SOX6: variants seen among roughly 807,000 people sequenced by gnomAD.
The protein encoded by SOX6 is SRY-box transcription factor 6.
In SOX6, 11 loss-of-function variants were observed where a neutral mutation model predicts 97.8. The observed-to-expected ratio is 0.11, with a 90% confidence interval of 0.07 to 0.19. SOX6 has a LOEUF of 0.19. SOX6 is among the 10% of genes least tolerant of loss of function. The probability of loss-of-function intolerance (pLI) is 1.00; values close to 1 mark genes in which losing one functional copy is unlikely to be tolerated. For missense variants in SOX6, 810 were observed against 1,039.5 expected (o/e 0.78, Z 3.04); for synonymous variants, 360 against 371.4 (o/e 0.97, Z 0.35).
intron 6 of SOX6, among the ~76,000 whole-genome samples, chr11:16,116,388 T>C (rs959926952): frequency 3.9e-5 from 6 of 152,218 alleles, no homozygotes; most frequent in South Asian, 2.1e-4. Flanking sequence ...TTAAAAGTTA[T>C]AGAGTCAGGA....
At chr11:16,307,048 G>T (rs188335308) in intron 3 of SOX6, among the ~76,000 whole-genome samples, 1 of 152,264 alleles carries the variant, frequency 6.6e-6, no homozygotes, top group Admixed American at 6.5e-5. Context: ...TTATATGTTT[G>T]CGCAAGTGCA....
At chr11:16,696,028 T>TAAAC (rs756286448) in intron 3 of SOX6, among the ~76,000 whole-genome samples, 6 of 152,210 alleles carry the variant, frequency 3.9e-5, no homozygotes, top group Non-Finnish European at 5.9e-5. Context: ...AATAAATGAA[T>TAAAC]AAACAAACAA....
intron 12 of SOX6, among the ~76,000 whole-genome samples, chr11:16,040,668 G>A (rs1188618160): frequency 1.3e-5 from 2 of 151,988 alleles, no homozygotes; most frequent in Admixed American, 6.6e-5. Context: ...TTGAAACTCA[G>A]ATGTGTGTCT....
chr11:16,107,086 A>G (rs1345809432), intron 7 of SOX6, among the ~76,000 whole-genome samples: 1 of 152,026 alleles, frequency 6.6e-6, no homozygotes, highest in Admixed American at 6.6e-5. Flanking sequence ...TTAGTTGAAA[A>G]TAACAAGTGT....
chr11:16,411,261 T>G (rs1858812647), intron 1 of SOX6, among the ~76,000 whole-genome samples: 1 of 152,190 alleles, frequency 6.6e-6, no homozygotes, highest in Admixed American at 6.5e-5. Context: ...TTTCAAAGGT[T>G]AATTGGCTTT....
At chr11:16,709,891 C>T (rs1848164650) in intron 3 of SOX6, among the ~76,000 whole-genome samples, 1 of 152,216 alleles carries the variant, frequency 6.6e-6, no homozygotes, top group Non-Finnish European at 1.5e-5. Flanking sequence ...ATATCTCACA[C>T]TTCTCCTCTA....
At chr11:16,011,003 G>C in intron 13 of SOX6, among the ~76,000 whole-genome samples, 1 of 151,990 alleles carries the variant, frequency 6.6e-6, no homozygotes, top group East Asian at 1.9e-4. Flanking sequence ...AGAAACTTAA[G>C]CCCAGAGGTT....
At chr11:16,470,104 A>G (rs1186466477) in intron 1 of SOX6, among the ~76,000 whole-genome samples, 1 of 152,160 alleles carries the variant, frequency 6.6e-6, no homozygotes, top group African/African-American at 2.4e-5. Context: ...GTATATCTCT[A>G]ATTAACATGA....
intron 3 of SOX6, among the ~76,000 whole-genome samples, chr11:16,292,628 A>T: frequency 6.6e-6 from 1 of 152,154 alleles, no homozygotes; most frequent in East Asian, 1.9e-4. Flanking sequence ...GAAGAAAGAA[A>T]TAAAACTCAA....
chr11:16,109,692 T>G (rs1243677991), intron 7 of SOX6, among the ~76,000 whole-genome samples: 2 of 152,228 alleles, frequency 1.3e-5, no homozygotes, highest in Non-Finnish European at 2.9e-5. Context: ...ACATATAATT[T>G]TAATGAATTT....
chr11:16,084,663 G>A (rs1327195449), intron 9 of SOX6, among the ~76,000 whole-genome samples: 1 of 152,088 alleles, frequency 6.6e-6, no homozygotes, highest in Non-Finnish European at 1.5e-5. Context: ...CCACTTTCCT[G>A]GAACCTCTAA....
intron 2 of SOX6, among the ~76,000 whole-genome samples, chr11:16,732,904 C>A (rs1266245403): frequency 6.6e-6 from 1 of 152,100 alleles, no homozygotes; most frequent in Non-Finnish European, 1.5e-5. Flanking sequence ...AAAAAAACAA[C>A]CCCATCAAAA....
rs1207638493 is a variant in SOX6 at position 16,264,240 on chromosome 11, T to A, written c.446-29569A>T. ...ACCCATCATCTCTAGATAACCAGTCTCAATAGTTTATAGTTTACCCTTCCT... is the reference window on the plus strand; with the variant it reads ...ACCCATCATCTCTAGATAACCAGTCACAATAGTTTATAGTTTACCCTTCCT... On this transcript the variant is annotated intron_variant, in intron 3 of 15. Transcript: ENST00000683767. Among the ~76,000 whole-genome samples the A allele has an allele frequency of 2.0e-5, 3 of 152,118 alleles. No individual in the cohort carries two copies. The East Asian group carries it at 5.8e-4, about 29-fold the overall frequency.
chr11:16,247,546 A>C (rs1466345375), intron 3 of SOX6, among the ~76,000 whole-genome samples: 4 of 152,182 alleles, frequency 2.6e-5, no homozygotes, highest in Non-Finnish European at 4.4e-5. Context: ...CAGAAGGGAA[A>C]GCAAACATGT....
At chr11:16,692,493 G>C (rs779467291) in intron 3 of SOX6, among the ~76,000 whole-genome samples, 2 of 152,022 alleles carry the variant, frequency 1.3e-5, no homozygotes, top group Non-Finnish European at 2.9e-5. Context: ...GCTCTCATTT[G>C]TCTCTCCCTG....
At chr11:16,261,457 G>A (rs61881742) in intron 3 of SOX6, among the ~76,000 whole-genome samples, 18,345 of 151,940 alleles carry the variant, frequency 0.12, 1,511 homozygotes, top group South Asian at 0.19. Context: ...TATGCTTAGA[G>A]CACCACAGAA....
intron 3 of SOX6, among the ~76,000 whole-genome samples, chr11:16,654,049 T>G (rs559031750): frequency 6.6e-6 from 1 of 152,304 alleles, no homozygotes; most frequent in East Asian, 1.9e-4. Context: ...ACACCTTCAC[T>G]CTGAGTTCAT....
chr11:16,263,578 A>C (rs1446989074), intron 3 of SOX6, among the ~76,000 whole-genome samples: 1 of 151,958 alleles, frequency 6.6e-6, no homozygotes. Context: ...GTCTTCAAGT[A>C]ACAGTGACTG....
chr11:16,636,141 C>A (rs1185390392), intron 3 of SOX6, among the ~76,000 whole-genome samples: 1 of 152,198 alleles, frequency 6.6e-6, no homozygotes, highest in Non-Finnish European at 1.5e-5. Flanking sequence ...TTGCACCATA[C>A]TCCTAGAAAA....
Sources: gnomAD v4.1 joint callset for allele counts (sites outside exome capture counted in the v4.1 genomes callset) on GRCh38, gnomAD v4.1.1 for gene constraint, MANE v1.5 for transcripts, NCBI Gene and HGNC (gene_info 2026-07-23, HGNC 2026-07-21) for gene names.